FBXO4: variants seen among roughly 807,000 people sequenced by gnomAD.
FBXO4 encodes F-box only protein 4.
Under a neutral mutation model 43.7 loss-of-function variants are expected in FBXO4, and 36 were observed. The observed-to-expected ratio is 0.82, with a 90% CI of 0.63 to 1.09. FBXO4 has a LOEUF of 1.09. Among genes scored for constraint, FBXO4 ranks in the 50% least tolerant of loss-of-function variants. The pLI, the probability that FBXO4 is intolerant of heterozygous loss-of-function variation, is 0.00. For synonymous variants in FBXO4, 180 were observed against 165.6 expected (o/e 1.09, Z -0.67); for missense variants, 435 against 474.1 (o/e 0.92, Z 0.77).
the FBXO4 span, among the ~76,000 whole-genome samples, chr5:42,038,937 T>C: frequency 6.6e-6 from 1 of 152,132 alleles, no homozygotes; most frequent in Non-Finnish European, 1.5e-5. Context: ...TGCCTCTACT[T>C]TGTTTACTTC....
chr5:41,940,013 A>G (rs972012891), intron 6 of FBXO4, among the ~76,000 whole-genome samples: 9 of 150,252 alleles, frequency 6.0e-5, no homozygotes, highest in Admixed American at 6.0e-4. Flanking sequence ...GCACACCCAG[A>G]TAATTTTTTG....
chr5:42,002,974 A>G, the FBXO4 span, among the ~76,000 whole-genome samples: 1 of 152,220 alleles, frequency 6.6e-6, no homozygotes, highest in Admixed American at 6.5e-5. Flanking sequence ...CTATAATGGC[A>G]CAATATATGT....
chr5:41,991,415 GCTTAATC>G, the FBXO4 span, among the ~76,000 whole-genome samples: 1 of 152,104 alleles, frequency 6.6e-6, no homozygotes, highest in Non-Finnish European at 1.5e-5. Context: ...TCTTTTCTCT[GCTTAATC>G]CTGTGAGGTC....
At chr5:41,947,697 T>C in the FBXO4 span, among the ~76,000 whole-genome samples, 100 of 152,298 alleles carry the variant, frequency 6.6e-4, 2 homozygotes, top group South Asian at 0.012. Context: ...CTGCCACTTC[T>C]GTAAGATAAA....
At chr5:42,035,269 C>A in the FBXO4 span, among the ~76,000 whole-genome samples, 1 of 152,068 alleles carries the variant, frequency 6.6e-6, no homozygotes, top group Non-Finnish European at 1.5e-5. Flanking sequence ...TGACTGCAAA[C>A]AGAGGCAATT....
chr5:41,994,547 G>A, the FBXO4 span, among the ~76,000 whole-genome samples: 6 of 152,190 alleles, frequency 3.9e-5, no homozygotes, highest in African/African-American at 7.2e-5. Context: ...TAGCCCTGCC[G>A]GATTGGACTG....
the FBXO4 span, among the ~76,000 whole-genome samples, chr5:42,033,373 G>A: frequency 1.3e-5 from 2 of 151,974 alleles, no homozygotes; most frequent in East Asian, 3.9e-4. Context: ...AGCCCTCAGT[G>A]GTGATGTTTT....
At chr5:42,002,480 T>G in the FBXO4 span, among the ~76,000 whole-genome samples, 1 of 152,210 alleles carries the variant, frequency 6.6e-6, no homozygotes, top group Non-Finnish European at 1.5e-5. Context: ...ACTTTGAAAT[T>G]AAGACATTTC....
the FBXO4 span, among the ~76,000 whole-genome samples, chr5:42,009,959 C>T: frequency 1.3e-5 from 2 of 152,122 alleles, no homozygotes; most frequent in African/African-American, 2.4e-5. Context: ...CTGGCAACCA[C>T]TGTTGTACTT....
chr5:41,936,446 A>G (rs1751849692), intron 5 of FBXO4, among the ~76,000 whole-genome samples: 1 of 152,130 alleles, frequency 6.6e-6, no homozygotes, highest in African/African-American at 2.4e-5. Context: ...AGGCAGGAGA[A>G]TCGCTTGAGC....
the FBXO4 span, among the ~76,000 whole-genome samples, chr5:42,015,528 T>C: frequency 6.6e-6 from 1 of 152,178 alleles, no homozygotes; most frequent in Non-Finnish European, 1.5e-5. Flanking sequence ...CACCCACCTA[T>C]GTCTAAATCC....
intron 1 of FBXO4, 27 bp downstream of exon 1, chr5:41,925,525 G>A (rs1751456708): frequency 3.8e-6 from 5 of 1,301,454 alleles, no homozygotes; most frequent in Non-Finnish European, 4.9e-6. Context: ...GGCCGCGGAG[G>A]ACAGTGGGGC....
chr5:41,961,558 C>A, the FBXO4 span, among the ~76,000 whole-genome samples: 2 of 152,102 alleles, frequency 1.3e-5, no homozygotes, highest in African/African-American at 2.4e-5. Flanking sequence ...TGTGCAGCAG[C>A]CATAGAGTTA....
the FBXO4 span, among the ~76,000 whole-genome samples, chr5:41,999,232 C>CT: frequency 3.6e-3 from 550 of 151,094 alleles, 5 homozygotes; most frequent in African/African-American, 0.013. Context: ...AAGTAGAGAC[C>CT]TTAGCATTTT....
chr5:41,930,898 C>T (rs940074791), intron 3 of FBXO4, among the ~76,000 whole-genome samples: 2 of 152,242 alleles, frequency 1.3e-5, no homozygotes, highest in South Asian at 2.1e-4. Context: ...CCTCGTGATC[C>T]GCCCACCTGG....
At chr5:41,946,114 A>G (rs1024521567), downstream of FBXO4, among the ~76,000 whole-genome samples, 1 of 152,192 alleles carries the variant, frequency 6.6e-6, no homozygotes, top group Non-Finnish European at 1.5e-5. Context: ...ATGCTGGCAT[A>G]TCCAGTGCAT....
the FBXO4 span, among the ~76,000 whole-genome samples, chr5:42,031,359 CA>C: frequency 1.3e-4 from 19 of 146,804 alleles, no homozygotes; most frequent in Non-Finnish European, 2.2e-4. Flanking sequence ...ATCACAAGGA[CA>C]AAAAAACCAA....
At chr5:42,021,617 T>C in the FBXO4 span, among the ~76,000 whole-genome samples, 1 of 152,132 alleles carries the variant, frequency 6.6e-6, no homozygotes, top group Admixed American at 6.6e-5. Flanking sequence ...TAACAGCCAT[T>C]TTTCCAATCT....
At chr5:42,021,389 T>G in the FBXO4 span, among the ~76,000 whole-genome samples, 1 of 152,126 alleles carries the variant, frequency 6.6e-6, no homozygotes, top group Non-Finnish European at 1.5e-5. Flanking sequence ...CTCCTAGGTC[T>G]TGATTTGAGC....
Sources: allele counts gnomAD v4.1 joint callset (sites outside exome capture counted in the v4.1 genomes callset), GRCh38; gene constraint gnomAD v4.1.1; transcripts MANE v1.5; gene names NCBI Gene and HGNC (gene_info 2026-07-23, HGNC 2026-07-21).